The following EIF4A3 variants were observed in gnomAD, a reference collection of about 807,000 sequenced individuals.
The protein encoded by EIF4A3 is eukaryotic translation initiation factor 4A3, also known as eukaryotic initiation factor 4A-III.
A neutral mutation model predicts 55.6 loss-of-function variants in EIF4A3; 1 was observed. That is an observed-to-expected ratio of 0.02 (90% CI 0.01 to 0.09). The LOEUF (loss-of-function observed/expected upper bound fraction) is 0.09. EIF4A3 is among the 10% of genes least tolerant of loss of function. EIF4A3 has a pLI of 1.00. For missense variants in EIF4A3, 221 were observed against 540.7 expected (o/e 0.41, Z 5.86); for synonymous variants, 194 against 196.3 (o/e 0.99, Z 0.10).
chr17:80,146,970 G>A lies in EIF4A3; in HGVS notation c.-9C>T, dbSNP rs2039671472. 1 of 1,598,922 alleles carries A rather than the reference G, an allele frequency of 6.3e-7. No homozygotes were observed. The highest frequency in any genetic ancestry group is 8.5e-7 in the Non-Finnish European group (1 of 1,175,894). On this transcript the variant is annotated 5_prime_UTR_variant, in exon 1 of 12. Transcript: ENST00000649764. Reference sequence around the variant, plus strand: ...GTGGCCGTGGTCGCCATGATTCAGAGTCCGCGGAAGAGCACAGCGCGCGCC... The same window carrying A: ...GTGGCCGTGGTCGCCATGATTCAGAATCCGCGGAAGAGCACAGCGCGCGCC...
chr17:80,146,198 G>A (rs2039661272), intron 1 of EIF4A3, among the ~76,000 whole-genome samples: 1 of 152,018 alleles, frequency 6.6e-6, no homozygotes, highest in Non-Finnish European at 1.5e-5. Context: ...GGGCTGCAAG[G>A]CCCTGGCACC....
At position 80,139,127 on chromosome 17, in the gene EIF4A3, G is replaced by A; in HGVS notation, c.622C>T (p.Leu208=). 1 of 1,614,082 alleles carries A rather than the reference G, an allele frequency of 6.2e-7. No individual in the cohort carries two copies. Residue 208 remains leucine, a synonymous_variant, in exon 7 of 12, where the codon CTG becomes TTG. Transcript: ENST00000649764. ...AGAACCACCTGTGTGGCTGGAGGCA[G>A]GTACCTGTATACATCGTAAATCTGC... ...KEQIYDVYRY[L]PPATQVVLIS...
At chr17:80,144,952 T>G (rs1393475661) in intron 1 of EIF4A3, among the ~76,000 whole-genome samples, 2 of 152,268 alleles carry the variant, frequency 1.3e-5, no homozygotes, top group African/African-American at 4.8e-5. Flanking sequence ...ACAAAAACTC[T>G]ATTTCAATTA....
Position 80,135,252 on chromosome 17 carries a change from G to C in EIF4A3, c.*238C>G, listed in dbSNP as rs545253149. On this transcript the variant is annotated 3_prime_UTR_variant, in exon 12 of 12. Transcript: ENST00000649764. ...AAGGTGGTGGCACCTTAGAAGTATAGAGTTTATGGGAAAAGTTTTAAATTT... is the reference window on the plus strand; with the variant it reads ...AAGGTGGTGGCACCTTAGAAGTATACAGTTTATGGGAAAAGTTTTAAATTT... 3.0e-5 allele frequency: 13 copies of C among 430,316 alleles called. No individual in the cohort carries two copies. The South Asian group carries it at 8.0e-4, about 26-fold the overall frequency. 26.7% of individuals were successfully genotyped at this position (430,316 alleles called of 1,614,324 possible). A position where few individuals can be genotyped will look rare whatever the true frequency, so the allele number is the denominator to read the frequency against.
intron 7 of EIF4A3, 49 bp downstream of exon 7, chr17:80,138,972 T>C: frequency 6.3e-7 from 1 of 1,598,916 alleles, no homozygotes; most frequent in Non-Finnish European, 8.5e-7. Context: ...TAAAATCCTT[T>C]ATAAATGCGG....
Position 80,140,152 on chromosome 17 carries a change from C to G in EIF4A3, c.373-12G>C, listed in dbSNP as rs374930680. 5.3e-5 allele frequency: 84 copies of G among 1,584,604 alleles called. 1 individual carries two copies. Among genetic ancestry groups the G allele is most frequent in the Non-Finnish European group, 2.6e-6 (3 of 1,162,960 alleles). On this transcript the variant is annotated splice_polypyrimidine_tract_variant and intron_variant, in intron 4 of 11. Coordinates refer to ENST00000649764, the MANE Select transcript of EIF4A3 (RefSeq NM_014740.4). Reference sequence around the variant, plus strand: ...AGAGCAAGCAGCCCCTGAAACAAAGCACAGGTTCACGTCCAGGGTGGGAGA... The same window carrying G: ...AGAGCAAGCAGCCCCTGAAACAAAGGACAGGTTCACGTCCAGGGTGGGAGA...
intron 11 of EIF4A3, 99 bp from the exon 12 acceptor site, chr17:80,135,605 C>T (rs2039563790): frequency 4.5e-6 from 5 of 1,118,478 alleles, no homozygotes; most frequent in Non-Finnish European, 6.5e-6. Flanking sequence ...CTTCTCAAAA[C>T]AAAAAACAGG....
rs1196380364 is a variant in EIF4A3, at chr17:80,146,670, G to A, written c.169+123C>T. The A allele has an allele frequency of 2.5e-6, 3 of 1,212,076 alleles. No individual in the cohort carries two copies. The African/African-American group carries it at 4.8e-5, about 19-fold the overall frequency. 75.1% of individuals were successfully genotyped at this position (1,212,076 alleles called of 1,614,324 possible). On this transcript the variant is annotated intron_variant, in intron 1 of 11. Transcript: ENST00000649764. ...GGGGTCGGACGTCACTGGCCCCCGA[G>A]CCTCGACCCTGACCACGACCTCCGG...
chr17:80,138,364 C>T, intron 7 of EIF4A3, 84 bp from the exon 8 acceptor site: 1 of 1,555,116 alleles, frequency 6.4e-7, no homozygotes, highest in African/African-American at 1.4e-5. Context: ...CCAGGGAGAC[C>T]CTGGTGGAAA....
In EIF4A3 at chr17:80,141,771, T is replaced by C. The variant is rs754253659; in HGVS notation, c.309+11A>G. The C allele has an allele frequency of 1.1e-5, 17 of 1,611,424 alleles. No individual in the cohort carries two copies. The highest frequency in any genetic ancestry group is 1.3e-5 in the Non-Finnish European group (15 of 1,177,690). On this transcript the variant is annotated intron_variant, in intron 3 of 11. Transcript: ENST00000649764. ...ATTACATAACAGTTTGTTTTAAGAA[T>C]GGCAAATTACCTGAATATCCAAACA... is the stretch of plus-strand genomic sequence containing the variant.
intron 2 of EIF4A3, among the ~76,000 whole-genome samples, chr17:80,143,255 CT>C (rs2039632148): frequency 6.6e-6 from 1 of 152,118 alleles, no homozygotes; most frequent in South Asian, 2.1e-4. Context: ...GGCTGCACCC[CT>C]CCCCCCATAT....
chr17:80,144,284 C>T, intron 1 of EIF4A3, 40 bp from the exon 2 acceptor site: 2 of 1,598,238 alleles, frequency 1.3e-6, no homozygotes, highest in Non-Finnish European at 1.7e-6. Context: ...ACCACAATGA[C>T]AGCATAGAAA....
At chr17:80,135,702 C>T (rs553281584) in intron 11 of EIF4A3, 196 bp from the exon 12 acceptor site, 2 of 619,828 alleles carry the variant, frequency 3.2e-6, no homozygotes, top group Admixed American at 6.4e-5. Context: ...TCGAGACCAG[C>T]CTGGCCAACA....
intron 2 of EIF4A3, among the ~76,000 whole-genome samples, chr17:80,142,953 C>T (rs192349145): frequency 5.2e-4 from 79 of 152,116 alleles, no homozygotes; most frequent in African/African-American, 1.9e-3. Context: ...GTGGGAGGAT[C>T]GCTTGAGGCT....
chr17:80,137,210 A>G lies in EIF4A3; in HGVS notation c.983+176T>C, dbSNP rs2039578061. ...ATCACCTCAACCTAAGTATTACAGG[A>G]GCACAGCGGACCCCTCCTTAACTGG... On this transcript the variant is annotated intron_variant, in intron 9 of 11. Transcript: ENST00000649764. The G allele has an allele frequency of 1.3e-5, 7 of 519,306 alleles. No individual in the cohort carries two copies. In the East Asian group the frequency reaches 2.3e-4, roughly 17 times the overall value. 32.2% of individuals were successfully genotyped at this position (519,306 alleles called of 1,614,324 possible).
Position 80,135,282 on chromosome 17 carries a change from T to C in EIF4A3, c.*208A>G, listed in dbSNP as rs2039561367. The C allele has an allele frequency of 2.0e-6, 1 of 490,488 alleles. No homozygotes were observed. The highest frequency in any genetic ancestry group is 3.5e-6 in the Non-Finnish European group (1 of 286,716). The allele number at this position is 490,488 out of a possible 1,614,324, so 30.4% of individuals were successfully genotyped here. Reference sequence around the variant, plus strand: ...TATGGGAAAAGTTTTAAATTTTTAATGAAAAAGACTTAGAACAATGTATTA... The same window carrying C: ...TATGGGAAAAGTTTTAAATTTTTAACGAAAAAGACTTAGAACAATGTATTA... On this transcript the variant is annotated 3_prime_UTR_variant, in exon 12 of 12. Transcript: ENST00000649764.
At chr17:80,139,539 C>T (rs1310576545) in intron 6 of EIF4A3, 131 bp downstream of exon 6, 1 of 831,148 alleles carries the variant, frequency 1.2e-6, no homozygotes, top group East Asian at 2.7e-5. Flanking sequence ...ATTGCCAAGG[C>T]ACAATTGTTT....
chr17:80,142,073 G>A (rs1053867659), intron 2 of EIF4A3, among the ~76,000 whole-genome samples: 1 of 152,212 alleles, frequency 6.6e-6, no homozygotes, highest in Admixed American at 6.5e-5. Context: ...GGGCAATGGA[G>A]CCACAGACTC....
At chr17:80,140,234 GATT>G (rs1185894588) in intron 4 of EIF4A3, 94 bp from the exon 5 acceptor site, 2 of 1,331,560 alleles carry the variant, frequency 1.5e-6, no homozygotes, top group Non-Finnish European at 2.0e-6. Context: ...GATGATCACC[GATT>G]ATTATTTATG....
Sources: gnomAD v4.1 joint callset for allele counts (sites outside exome capture counted in the v4.1 genomes callset) on GRCh38, gnomAD v4.1.1 for gene constraint, MANE v1.5 for transcripts, NCBI Gene and HGNC (gene_info 2026-07-23, HGNC 2026-07-21) for gene names.